Variants in MS4A4E observed in about 807,000 individuals in gnomAD.
MS4A4E encodes the protein putative membrane-spanning 4-domains subfamily A member 4E.
A neutral mutation model predicts 13.3 loss-of-function variants in MS4A4E; 23 were observed. The observed-to-expected ratio is 1.73, with a 90% CI of 1.25 to 2.45. The LOEUF (loss-of-function observed/expected upper bound fraction) is 2.45. Ranked by LOEUF, MS4A4E falls within the 30% of genes most tolerant of loss-of-function variation. The pLI is 0.00. For synonymous variants in MS4A4E, 36 were observed against 45.6 expected (o/e 0.79, Z 0.85); for missense variants, 144 against 131.2 (o/e 1.10, Z -0.48).
chr11:60,229,310 A>C (rs2084379153), intron 2 of MS4A4E, among the ~76,000 whole-genome samples: 1 of 152,246 alleles, frequency 6.6e-6, no homozygotes, highest in South Asian at 2.1e-4. Context: ...CTCCAAAAAA[A>C]TGAATAATGC....
intron 3 of MS4A4E, among the ~76,000 whole-genome samples, chr11:60,220,272 A>C (rs1313384052): frequency 1.3e-5 from 2 of 152,230 alleles, no homozygotes; most frequent in Non-Finnish European, 2.9e-5. Flanking sequence ...AGCTTAACCA[A>C]GTAGTGACTC....
In MS4A4E at chr11:60,206,512, T is replaced by TGTATATATATATACAC. The variant is rs1554983301; in HGVS notation, c.484-693_484-692insGTGTATATATATATAC. Among the ~76,000 whole-genome samples the TGTATATATATATACAC allele has an allele frequency of 4.3e-4, 42 of 98,348 alleles. 1 individual carries two copies. The highest frequency in any genetic ancestry group is 2.0e-3 in the African/African-American group (42 of 20,658). The allele number at this position is 98,348 out of a possible 152,430, so 64.5% of individuals were successfully genotyped here. A position where few individuals can be genotyped will look rare whatever the true frequency, so the allele number is the denominator to read the frequency against. On this transcript the variant is annotated intron_variant, in intron 6 of 8. Transcript: ENST00000651255. ...ATGTATATATATACGTATATATATATACACACACACACACACAGAGGTCAT... is the reference window on the plus strand; with the variant it reads ...ATGTATATATATACGTATATATATATGTATATATATATACACACACACACACACACACAGAGGTCAT...
chr11:60,243,049 CTTCCCCCACTCCACACCTCACTCAG>C lies in MS4A4E; in HGVS notation c.-133_-109del. Reference sequence around the variant, plus strand: ...AGTTCTTTGTTCCAGACACAGTCAGCTTCCCCCACTCCACACCTCACTCAGTTTAAATCTGCACTCCTTTTCTAGT... The same window carrying C: ...AGTTCTTTGTTCCAGACACAGTCAGCTTTAAATCTGCACTCCTTTTCTAGT... On this transcript the variant is annotated 5_prime_UTR_variant, in exon 1 of 9. Transcript: ENST00000651255. The C allele has an allele frequency of 2.5e-6, 3 of 1,196,922 alleles. No homozygotes were observed. In the Admixed American group the frequency reaches 6.5e-5, roughly 26 times the overall value. The allele number at this position is 1,196,922 out of a possible 1,614,324, so 74.1% of individuals were successfully genotyped here. A position where few individuals can be genotyped will look rare whatever the true frequency, so the allele number is the denominator to read the frequency against.
chr11:60,209,916 C>T (rs762202511), intron 5 of MS4A4E, among the ~76,000 whole-genome samples: 3 of 152,208 alleles, frequency 2.0e-5, no homozygotes, highest in African/African-American at 7.2e-5. Flanking sequence ...TTTTCTTGTG[C>T]CTTCAACAGC....
At position 60,206,474 on chromosome 11, in the gene MS4A4E, C is replaced by CAT. The variant is rs1306216297; in HGVS notation, c.484-656_484-655dup. 2.4e-4 allele frequency among the ~76,000 whole-genome samples: 20 copies of CAT among 82,472 alleles called. 1 individual carries two copies. Among genetic ancestry groups the CAT allele is most frequent in the African/African-American group, 7.8e-4 (13 of 16,736 alleles). 54.1% of individuals were successfully genotyped at this position (82,472 alleles called of 152,430 possible). A position where few individuals can be genotyped will look rare whatever the true frequency, so the allele number is the denominator to read the frequency against. ...AATTTTGAATATATACACACACACA[C>CAT]ATATATATATATATGTATATATATA... On this transcript the variant is annotated intron_variant, in intron 6 of 8. Coordinates refer to ENST00000651255, the MANE Select transcript of MS4A4E (RefSeq NM_001393391.1).
At chr11:60,220,151 A>C (rs2084250880) in intron 3 of MS4A4E, among the ~76,000 whole-genome samples, 1 of 152,206 alleles carries the variant, frequency 6.6e-6, no homozygotes, top group Non-Finnish European at 1.5e-5. Context: ...GCCACCATCA[A>C]GGACTTAAAA....
At chr11:60,210,294 T>G (rs933846633) in intron 5 of MS4A4E, among the ~76,000 whole-genome samples, 2 of 152,160 alleles carry the variant, frequency 1.3e-5, no homozygotes, top group African/African-American at 4.8e-5. Context: ...ATAGACCCAT[T>G]GCTTCAAATC....
In MS4A4E at chr11:60,213,159, C is replaced by A. The variant is rs2134928760; in HGVS notation, c.223-27G>T. On this transcript the variant is annotated intron_variant, in intron 4 of 8. Transcript: ENST00000651255. ...TAGAAAGAAATGAAAATTAATTAAG[C>A]AATCCAACATCATCCTCAGATATAT... 7 of 845,106 alleles carry A rather than the reference C, an allele frequency of 8.3e-6. No individual in the cohort carries two copies. The South Asian group carries it at 1.2e-4, about 15-fold the overall frequency. The allele number at this position is 845,106 out of a possible 1,614,324, so 52.4% of individuals were successfully genotyped here.
chr11:60,206,903 G>T (rs2084055128), intron 6 of MS4A4E, among the ~76,000 whole-genome samples: 1 of 152,112 alleles, frequency 6.6e-6, no homozygotes, highest in African/African-American at 2.4e-5. Flanking sequence ...GATCAGGCTA[G>T]ATTTAGGACA....
At chr11:60,225,057 T>A in intron 3 of MS4A4E, 1 of 1,567,754 alleles carries the variant, frequency 6.4e-7, no homozygotes, top group Non-Finnish European at 8.6e-7. Context: ...ATTATTCCCA[T>A]GCTAAGGCTC....
At position 60,206,512 on chromosome 11, in the gene MS4A4E, T is replaced by TATATGTATATATATATATAC. The variant is rs141037502; in HGVS notation, c.484-693_484-692insGTATATATATATATACATAT. 4.0e-4 allele frequency among the ~76,000 whole-genome samples: 39 copies of TATATGTATATATATATATAC among 98,330 alleles called. 3 individuals are homozygous for TATATGTATATATATATATAC. The East Asian group carries it at 4.5e-3, about 11-fold the overall frequency. 64.5% of individuals were successfully genotyped at this position (98,330 alleles called of 152,430 possible). ...ATGTATATATATACGTATATATATA[T>TATATGTATATATATATATAC]ACACACACACACACACAGAGGTCAT... On this transcript the variant is annotated intron_variant, in intron 6 of 8. Coordinates refer to ENST00000651255, the MANE Select transcript of MS4A4E (RefSeq NM_001393391.1).
At chr11:60,210,416 A>G (rs2084105449) in intron 5 of MS4A4E, among the ~76,000 whole-genome samples, 1 of 152,194 alleles carries the variant, frequency 6.6e-6, no homozygotes, top group African/African-American at 2.4e-5. Context: ...TGAATGCAGG[A>G]CCAGCTATGT....
chr11:60,214,948 A>G (rs925932902), intron 3 of MS4A4E, among the ~76,000 whole-genome samples: 3 of 152,174 alleles, frequency 2.0e-5, no homozygotes, highest in Non-Finnish European at 4.4e-5. Flanking sequence ...GAATACAATA[A>G]ACAAAAAATG....
At chr11:60,220,444 T>C (rs114463632) in intron 3 of MS4A4E, among the ~76,000 whole-genome samples, 1,604 of 152,324 alleles carry the variant, frequency 0.011, 35 homozygotes, top group African/African-American at 0.037. Flanking sequence ...AGACCAGCAA[T>C]GTACCTTTAC....
intron 1 of MS4A4E, among the ~76,000 whole-genome samples, chr11:60,233,991 T>G (rs2084448337): frequency 6.6e-6 from 1 of 152,242 alleles, no homozygotes; most frequent in Non-Finnish European, 1.5e-5. Context: ...AGGAAATTAT[T>G]CTCCAGATTT....
chr11:60,205,226 C>A (rs990543042), intron 7 of MS4A4E, among the ~76,000 whole-genome samples: 7 of 152,188 alleles, frequency 4.6e-5, no homozygotes, highest in Non-Finnish European at 1.0e-4. Flanking sequence ...CACTCTCCAG[C>A]ACATTAATTC....
chr11:60,205,746 T>A lies in MS4A4E; in HGVS notation c.558A>T (p.Arg186Ser), dbSNP rs1018163087. ...LSIQMQYDGK[R>S]LNVDVDSTVW... ...CAGTACTGTCGACATCAACATTTAG[T>A]CTCTTTCCATCATATTGCATCTGAA... Residue 186 changes from arginine to serine, a missense_variant, in exon 7 of 9, where the codon AGA (arginine) becomes AGT (serine). Physicochemically the swap from Arg to Ser is moderately radical, Grantham distance 110. Coordinates refer to ENST00000651255, the MANE Select transcript of MS4A4E (RefSeq NM_001393391.1). Among the ~76,000 whole-genome samples the A allele has an allele frequency of 6.6e-6, 1 of 152,236 alleles. No homozygotes were observed. Among genetic ancestry groups the A allele is most frequent in the Non-Finnish European group, 1.5e-5 (1 of 68,042 alleles).
intron 6 of MS4A4E, among the ~76,000 whole-genome samples, chr11:60,208,392 G>A (rs969901330): frequency 6.6e-6 from 1 of 152,086 alleles, no homozygotes; most frequent in African/African-American, 2.4e-5. Context: ...CTTTAGACAA[G>A]GCCACAGCCC....
Position 60,208,658 on chromosome 11 carries a change from C to A in MS4A4E, c.418G>T (p.Glu140Ter). ...GAGAGGGCCACAGCAATGCAGAATTCCAGCACACTTAAGAGGAGCACCATG... is the reference window on the plus strand; with the variant it reads ...GAGAGGGCCACAGCAATGCAGAATTACAGCACACTTAAGAGGAGCACCATG... ...DGMVLLLSVLEFCIAVALSAF... is the reference protein window; with the variant it reads ...DGMVLLLSVL The change falls in exon 6 of 9, where the codon GAA (glutamate) becomes TAA (stop). Residue 140 changes from glutamate (E) to a stop codon, truncating the protein, a stop_gained. Transcript: ENST00000651255. LOFTEE classifies it high-confidence loss of function. 6.8e-7 allele frequency: 1 copy of A among 1,475,142 alleles called. No individual in the cohort carries two copies. 91.4% of individuals were successfully genotyped at this position (1,475,142 alleles called of 1,614,324 possible). A position where few individuals can be genotyped will look rare whatever the true frequency, so the allele number is the denominator to read the frequency against.
Sources: allele counts gnomAD v4.1 joint callset (sites outside exome capture counted in the v4.1 genomes callset), GRCh38; gene constraint gnomAD v4.1.1; transcripts MANE v1.5; gene names NCBI Gene and HGNC (gene_info 2026-07-23, HGNC 2026-07-21).